Variants in ARHGAP26 observed in about 807,000 individuals in gnomAD.
ARHGAP26 encodes the protein rho GTPase-activating protein 26.
Under a neutral mutation model 104.8 loss-of-function variants are expected in ARHGAP26, and 38 were observed. That is an observed-to-expected ratio of 0.36 (90% CI 0.28 to 0.48). The LOEUF (loss-of-function observed/expected upper bound fraction) is 0.48, where lower values mean the gene tolerates loss of function less well. Among genes scored for constraint, ARHGAP26 ranks in the 20% least tolerant of loss-of-function variants. ARHGAP26 has a pLI of 0.99. For synonymous variants in ARHGAP26, 341 were observed against 340.0 expected, an observed-to-expected ratio of 1.00 and a Z score of -0.03; for missense variants, 704 against 947.9, an observed-to-expected ratio of 0.74 and a Z score of 3.38.
intron 1 of ARHGAP26, among the ~76,000 whole-genome samples, chr5:142,851,187 C>A (rs1228154811): frequency 1.3e-5 from 2 of 151,414 alleles, no homozygotes; most frequent in African/African-American, 4.9e-5. Context: ...AGCTCTGCCT[C>A]ACGAGTTAAA....
intron 17 of ARHGAP26, among the ~76,000 whole-genome samples, chr5:143,113,107 G>T (rs1182469885): frequency 6.6e-6 from 1 of 152,198 alleles, no homozygotes; most frequent in East Asian, 1.9e-4. Context: ...AATAGGGAAT[G>T]GAGTTGAATT....
intron 12 of ARHGAP26, among the ~76,000 whole-genome samples, chr5:143,023,523 T>A (rs1780624491): frequency 1.3e-5 from 2 of 152,134 alleles, no homozygotes; most frequent in African/African-American, 4.8e-5. Flanking sequence ...AAAAGAGGAT[T>A]TGTTTTTCTT....
At chr5:142,949,199 GAGAGAGAGAGAGAGAGAGAGAGGAGA>G (rs1562136189) in intron 11 of ARHGAP26, among the ~76,000 whole-genome samples, 9 of 33,758 alleles carry the variant, frequency 2.7e-4, no homozygotes, top group African/African-American at 1.6e-3. Flanking sequence ...GAGAGAGAGA[GAGAGAGAGAGAGAGAGAGAGAGGAGA>G]GAGAGAGGAG....
chr5:142,869,388 T>A (rs1403795925), intron 1 of ARHGAP26, among the ~76,000 whole-genome samples: 3 of 151,820 alleles, frequency 2.0e-5, no homozygotes, highest in Admixed American at 6.6e-5. Context: ...ATTTTATTTT[T>A]TTTTGTATTT....
rs140704199 is a variant in ARHGAP26, at chr5:143,021,532, G to A, written c.1144+7416G>A. 9.9e-5 allele frequency among the ~76,000 whole-genome samples: 15 copies of A among 152,272 alleles called. No homozygotes were observed. In the South Asian group the frequency reaches 1.5e-3, roughly 15 times the overall value. On this transcript the variant is annotated intron_variant, in intron 12 of 22. Coordinates refer to ENST00000645722, the MANE Select transcript of ARHGAP26 (RefSeq NM_001135608.3). ...ATTCTCTTTGGGTAGATTCCGCCAC[G>A]TGGATTAGAGAGAGGGTTTGCATGG...
intron 17 of ARHGAP26, among the ~76,000 whole-genome samples, chr5:143,069,124 T>G (rs1787909624): frequency 2.0e-5 from 3 of 152,192 alleles, no homozygotes; most frequent in African/African-American, 7.2e-5. Context: ...AATGAGGTCT[T>G]CCTCGATTGT....
At chr5:143,168,843 G>A (rs1410317856) in intron 20 of ARHGAP26, 1 of 151,948 alleles carries the variant, frequency 6.6e-6, no homozygotes, top group Non-Finnish European at 1.5e-5. Context: ...TACAGAAAAT[G>A]CCTGCTTATT....
intron 20 of ARHGAP26, among the ~76,000 whole-genome samples, chr5:143,188,147 A>C (rs764335489): frequency 2.0e-5 from 3 of 152,250 alleles, no homozygotes; most frequent in African/African-American, 7.2e-5. Context: ...AATAAAATCC[A>C]TGCAAACAAA....
At chr5:143,202,372 T>C (rs1227614487) in intron 20 of ARHGAP26, 1 of 152,054 alleles carries the variant, frequency 6.6e-6, no homozygotes, top group Non-Finnish European at 1.5e-5. Flanking sequence ...ATGAAGGACC[T>C]CTTCAAGGAA....
intron 5 of ARHGAP26, among the ~76,000 whole-genome samples, chr5:142,892,944 T>C (rs1758870723): frequency 1.3e-5 from 2 of 151,870 alleles, no homozygotes; most frequent in South Asian, 4.2e-4. Flanking sequence ...TTTGAACCCA[T>C]TAAGCAACCT....
At chr5:142,886,568 TG>T (rs1757735478) in intron 5 of ARHGAP26, among the ~76,000 whole-genome samples, 1 of 152,234 alleles carries the variant, frequency 6.6e-6, no homozygotes, top group Non-Finnish European at 1.5e-5. Context: ...ATTGACTATT[TG>T]GTGTGTGCTT....
At chr5:143,207,483 C>A (rs748969242) in intron 21 of ARHGAP26, 175 bp downstream of exon 21, 1 of 1,613,422 alleles carries the variant, frequency 6.2e-7, no homozygotes, top group Non-Finnish European at 8.5e-7. Flanking sequence ...GGTAAAATCT[C>A]GGATGATGAC....
Position 143,222,623 on chromosome 5 carries a change from G to T in ARHGAP26, c.*177G>T. The T allele has an allele frequency of 2.2e-6, 1 of 464,374 alleles. No individual in the cohort carries two copies. Among genetic ancestry groups the T allele is most frequent in the Admixed American group, 3.6e-5 (1 of 27,702 alleles). The allele number at this position is 464,374 out of a possible 1,614,324, so 28.8% of individuals were successfully genotyped here. ...GTCACTCATCTCCATGATCATCTCAGCCAACATGCATCAGTACTGCAAGAA... is the reference window on the plus strand; with the variant it reads ...GTCACTCATCTCCATGATCATCTCATCCAACATGCATCAGTACTGCAAGAA... On this transcript the variant is annotated 3_prime_UTR_variant, in exon 23 of 23. Coordinates refer to ENST00000645722, the MANE Select transcript of ARHGAP26 (RefSeq NM_001135608.3).
Position 143,222,404 on chromosome 5 carries a change from A to T in ARHGAP26, c.2238A>T (p.Gly746=). 1 of 1,606,852 alleles carries T rather than the reference A, an allele frequency of 6.2e-7. No homozygotes were observed. The highest frequency in any genetic ancestry group is 8.5e-7 in the Non-Finnish European group (1 of 1,174,856). ...GCTGGTTGGAGGGGACTCTGAACGG[A>T]AAGACTGGCCTCATCCCTGAGAATT... ...EPGWLEGTLN[G]KTGLIPENYV... The change falls in exon 23 of 23, where the codon GGA becomes GGT. Residue 746 remains glycine (G), a synonymous_variant. Coordinates refer to ENST00000645722, the MANE Select transcript of ARHGAP26 (RefSeq NM_001135608.3).
In ARHGAP26 at chr5:143,223,818, T is replaced by C. The variant is rs1811446777; in HGVS notation, c.*1372T>C. The C allele has an allele frequency of 4.3e-6, 1 of 232,298 alleles. No individual in the cohort carries two copies. Among genetic ancestry groups the C allele is most frequent in the Admixed American group, 5.6e-5 (1 of 17,734 alleles). The allele number at this position is 232,298 out of a possible 1,614,324, so 14.4% of individuals were successfully genotyped here. A position where few individuals can be genotyped will look rare whatever the true frequency, so the allele number is the denominator to read the frequency against. On this transcript the variant is annotated 3_prime_UTR_variant, in exon 23 of 23. Coordinates refer to ENST00000645722, the MANE Select transcript of ARHGAP26 (RefSeq NM_001135608.3). ...CCCTCTGAAAAAGGGAATTTGCTGG[T>C]GAAAAGAGGCTGGATCTTGTGGAAG...
intron 11 of ARHGAP26, among the ~76,000 whole-genome samples, chr5:142,955,330 A>G (rs1014680085): frequency 7.2e-5 from 11 of 152,196 alleles, no homozygotes; most frequent in African/African-American, 9.7e-5. Flanking sequence ...AAAGCCCCAC[A>G]AAACAAAACA....
intron 20 of ARHGAP26, among the ~76,000 whole-genome samples, chr5:143,161,885 T>G (rs1801282699): frequency 6.6e-6 from 1 of 152,244 alleles, no homozygotes; most frequent in Non-Finnish European, 1.5e-5. Context: ...CAGTCTATTT[T>G]GTTTACCACT....
chr5:143,159,259 G>C (rs1800898210), intron 20 of ARHGAP26, among the ~76,000 whole-genome samples: 1 of 152,210 alleles, frequency 6.6e-6, no homozygotes, highest in Admixed American at 6.5e-5. Flanking sequence ...GGAAGCCCGA[G>C]GTTGCAAAAG....
intron 1 of ARHGAP26, among the ~76,000 whole-genome samples, chr5:142,831,290 GTTC>G (rs1768375582): frequency 6.6e-6 from 1 of 152,182 alleles, no homozygotes; most frequent in African/African-American, 2.4e-5. Flanking sequence ...CCTGGAAACA[GTTC>G]TTCTCTGGGT....
Sources: gnomAD v4.1 joint callset for allele counts (sites outside exome capture counted in the v4.1 genomes callset) on GRCh38, gnomAD v4.1.1 for gene constraint, MANE v1.5 for transcripts, NCBI Gene and HGNC (gene_info 2026-07-23, HGNC 2026-07-21) for gene names.